MCC: variants seen among roughly 807,000 people sequenced by gnomAD.
The protein encoded by MCC is colorectal mutant cancer protein.
In MCC, 90 loss-of-function variants were observed where a neutral mutation model predicts 116.2. That is an observed-to-expected ratio of 0.77 (90% CI 0.65 to 0.92). The LOEUF (loss-of-function observed/expected upper bound fraction) is 0.92. Among genes scored for constraint, MCC ranks in the 40% least tolerant of loss-of-function variants. MCC has a pLI of 0.00. For missense variants in MCC, 1,516 were observed against 1,312.2 expected, an observed-to-expected ratio of 1.16 and a Z score of -2.40; for synonymous variants, 578 against 510.5, an observed-to-expected ratio of 1.13 and a Z score of -1.78.
In MCC at chr5:113,410,609, A is replaced by C. The variant is rs184516034; in HGVS notation, c.171-25397T>G. On this transcript the variant is annotated intron_variant, in intron 1 of 18. Coordinates refer to ENST00000408903, the MANE Select transcript of MCC (RefSeq NM_001085377.2). The stretch of plus-strand genomic sequence containing the variant: ...ACATCTGCATAATGAATTATTATGC[A>C]ACTCTTATTTTTAAATTATACTTTA... Among the ~76,000 whole-genome samples the C allele has an allele frequency of 5.3e-5, 8 of 152,282 alleles. No individual in the cohort carries two copies. In the East Asian group the frequency reaches 1.5e-3, roughly 29 times the overall value.
chr5:113,146,612 C>G (rs902124234), intron 4 of MCC, among the ~76,000 whole-genome samples: 1 of 152,070 alleles, frequency 6.6e-6, no homozygotes, highest in Admixed American at 6.6e-5. Context: ...AATTCAAAGT[C>G]TCTCTAGCTT....
Position 113,084,106 on chromosome 5 carries a change from T to C in MCC, c.1630A>G (p.Ile544Val). Residue 544 changes from isoleucine to valine, a missense_variant, in exon 10 of 19, where the codon ATA (isoleucine) becomes GTA (valine). Coordinates refer to ENST00000408903, the MANE Select transcript of MCC (RefSeq NM_001085377.2). ...RPVLGSEISSIGVSSSVAEHL... is the reference protein window; with the variant it reads ...RPVLGSEISSVGVSSSVAEHL... Reference sequence around the variant, plus strand: ...TGCTTCTCATGAACACTCACCCCTATGCTACTGATTTCTGAGCCCAGGACT... The same window carrying C: ...TGCTTCTCATGAACACTCACCCCTACGCTACTGATTTCTGAGCCCAGGACT... The C allele has an allele frequency of 3.1e-6, 5 of 1,613,974 alleles. No homozygotes were observed. Among genetic ancestry groups the C allele is most frequent in the Non-Finnish European group, 4.2e-6 (5 of 1,179,820 alleles).
chr5:113,337,875 A>G (rs188287004), intron 3 of MCC, among the ~76,000 whole-genome samples: 3 of 152,306 alleles, frequency 2.0e-5, no homozygotes, highest in Admixed American at 1.3e-4. Flanking sequence ...TGGGAAGGGT[A>G]TTTCTCAAAT....
At chr5:113,473,721 T>C (rs908351539) in intron 1 of MCC, among the ~76,000 whole-genome samples, 2 of 152,164 alleles carry the variant, frequency 1.3e-5, no homozygotes, top group Non-Finnish European at 2.9e-5. Flanking sequence ...TATTACTGCA[T>C]GGAATTAAAG....
intron 2 of MCC, among the ~76,000 whole-genome samples, chr5:113,383,260 T>C (rs1159672095): frequency 6.6e-6 from 1 of 152,238 alleles, no homozygotes; most frequent in Non-Finnish European, 1.5e-5. Context: ...ACACTTCAAC[T>C]ATGTATGTGT....
chr5:113,123,525 C>T (rs1318441458), intron 5 of MCC, among the ~76,000 whole-genome samples: 1 of 152,230 alleles, frequency 6.6e-6, no homozygotes, highest in Non-Finnish European at 1.5e-5. Context: ...TTAAACCCCA[C>T]TGTGTTTTAT....
At chr5:113,173,907 A>G (rs531010839) in intron 3 of MCC, among the ~76,000 whole-genome samples, 28 of 152,310 alleles carry the variant, frequency 1.8e-4, no homozygotes, top group African/African-American at 6.7e-4. Flanking sequence ...TTTACAGCCC[A>G]CCACACCACT....
At chr5:113,175,991 T>G (rs1454414838) in intron 3 of MCC, among the ~76,000 whole-genome samples, 1 of 152,148 alleles carries the variant, frequency 6.6e-6, no homozygotes, top group Non-Finnish European at 1.5e-5. Context: ...AAAAACACTT[T>G]CTCTCAAGTC....
intron 1 of MCC, among the ~76,000 whole-genome samples, chr5:113,468,811 C>G (rs1184873221): frequency 6.6e-6 from 1 of 152,174 alleles, no homozygotes; most frequent in African/African-American, 2.4e-5. Flanking sequence ...CCTTCTGGTC[C>G]TGGACTTTTT....
In MCC at chr5:113,418,336, A is replaced by T. The variant is rs555467286; in HGVS notation, c.171-33124T>A. Among the ~76,000 whole-genome samples the T allele has an allele frequency of 5.2e-3, 590 of 112,596 alleles. 5 individuals carry two copies. Among genetic ancestry groups the T allele is most frequent in the Non-Finnish European group, 8.2e-3 (480 of 58,590 alleles). 73.9% of individuals were successfully genotyped at this position (112,596 alleles called of 152,430 possible). ...AAAGGTGAAATATGTTATATGAATTATATCTCAATTGAAATAAAAAATGAA... is the reference window on the plus strand; with the variant it reads ...AAAGGTGAAATATGTTATATGAATTTTATCTCAATTGAAATAAAAAATGAA... On this transcript the variant is annotated intron_variant, in intron 1 of 18. Coordinates refer to ENST00000408903, the MANE Select transcript of MCC (RefSeq NM_001085377.2).
At chr5:113,280,103 C>G (rs1765983788) in intron 3 of MCC, among the ~76,000 whole-genome samples, 1 of 152,210 alleles carries the variant, frequency 6.6e-6, no homozygotes, top group Admixed American at 6.5e-5. Context: ...TGAGAGAGGA[C>G]ACCCAGAGCC....
In MCC at chr5:113,104,264, G is replaced by A. The variant is rs778753429; in HGVS notation, c.1119C>T (p.Leu373=). ...VCGRKKSSCS[L]SVAEVDKHIE... is the part of the protein sequence containing the mutation. ...TGTGCTTGTCCACCTCGGCCACGGAGAGGCTGCAGCTGCTCTTCTTCCTGC... is the reference window on the plus strand; with the variant it reads ...TGTGCTTGTCCACCTCGGCCACGGAAAGGCTGCAGCTGCTCTTCTTCCTGC... The change falls in exon 7 of 19, where the codon CTC becomes CTT. Residue 373 remains leucine, a synonymous_variant. Transcript: ENST00000408903. 1.7e-5 allele frequency: 27 copies of A among 1,613,968 alleles called. No individual in the cohort carries two copies. Among genetic ancestry groups the A allele is most frequent in the Admixed American group, 1.7e-4 (10 of 60,008 alleles).
chr5:113,245,882 G>C (rs774841930), intron 3 of MCC, among the ~76,000 whole-genome samples: 2 of 152,180 alleles, frequency 1.3e-5, no homozygotes, highest in Admixed American at 1.3e-4. Flanking sequence ...GGCCAACAAT[G>C]TAATCAACAT....
At chr5:113,071,770 G>A (rs905650073) in intron 11 of MCC, among the ~76,000 whole-genome samples, 64 of 152,300 alleles carry the variant, frequency 4.2e-4, no homozygotes, top group African/African-American at 1.5e-3. Flanking sequence ...ATTTGAACCG[G>A]GAAGTGTGAC....
chr5:113,100,847 T>C (rs1374768534), intron 8 of MCC, among the ~76,000 whole-genome samples: 3 of 152,158 alleles, frequency 2.0e-5, no homozygotes, highest in Non-Finnish European at 4.4e-5. Context: ...AACAAGCTTC[T>C]AATATTGCCA....
chr5:113,339,314 T>A (rs1767949446), intron 3 of MCC, among the ~76,000 whole-genome samples: 1 of 152,146 alleles, frequency 6.6e-6, no homozygotes, highest in Admixed American at 6.5e-5. Flanking sequence ...TTCCTACTTA[T>A]TAACATCTTA....
intron 3 of MCC, among the ~76,000 whole-genome samples, chr5:113,289,421 T>A (rs1766398927): frequency 6.6e-6 from 1 of 152,102 alleles, no homozygotes. Flanking sequence ...GGGTTTAAAT[T>A]GGTTGCAAAT....
chr5:113,164,341 T>G (rs1169546974), intron 3 of MCC, among the ~76,000 whole-genome samples: 1 of 152,216 alleles, frequency 6.6e-6, no homozygotes, highest in Non-Finnish European at 1.5e-5. Flanking sequence ...TCCTTGCAAC[T>G]TGTCCCATTG....
intron 3 of MCC, among the ~76,000 whole-genome samples, chr5:113,211,025 T>C (rs1308011714): frequency 2.0e-5 from 3 of 152,126 alleles, no homozygotes; most frequent in Non-Finnish European, 2.9e-5. Flanking sequence ...GTTAGAGATA[T>C]GTGGATTGCC....
Sources: gnomAD v4.1 joint callset for allele counts (sites outside exome capture counted in the v4.1 genomes callset) on GRCh38, gnomAD v4.1.1 for gene constraint, MANE v1.5 for transcripts, NCBI Gene and HGNC (gene_info 2026-07-23, HGNC 2026-07-21) for gene names.